The following DLAT variants were observed in gnomAD, a reference collection of about 807,000 sequenced individuals.
DLAT encodes dihydrolipoamide S-acetyltransferase.
In DLAT, 43 loss-of-function variants were observed where a neutral mutation model predicts 68.0. The ratio of observed to expected loss-of-function variants is 0.63; its 90% CI spans 0.50 to 0.81. The LOEUF is 0.81. Ranked by LOEUF, DLAT falls within the 40% of genes least tolerant of loss-of-function variation. DLAT has a pLI of 0.00. For missense variants in DLAT, 745 were observed against 815.4 expected (o/e 0.91, Z 1.05); for synonymous variants, 265 against 288.6 (o/e 0.92, Z 0.83).
rs782691349 is a variant in DLAT, at chr11:112,051,394, G to T, written c.1514+45G>T. Reference sequence around the variant, plus strand: ...ATATATATCCATCGGTAGTTTTCTTGTATTATTTAATGTGTGAGTGGAGTT... The same window carrying T: ...ATATATATCCATCGGTAGTTTTCTTTTATTATTTAATGTGTGAGTGGAGTT... On this transcript the variant is annotated intron_variant, in intron 11 of 13. Transcript: ENST00000280346. This position sits in a 1 kb window ranked among gnomAD's most constrained non-coding sequence, Gnocchi z 4.3. The T allele has an allele frequency of 7.1e-7, 1 of 1,403,422 alleles. No individual in the cohort carries two copies. The highest frequency in any genetic ancestry group is 1.0e-6 in the Non-Finnish European group (1 of 991,092). The allele number at this position is 1,403,422 out of a possible 1,614,324, so 86.9% of individuals were successfully genotyped here. A position where few individuals can be genotyped will look rare whatever the true frequency, so the allele number is the denominator to read the frequency against.
chr11:112,025,870 C>G, intron 1 of DLAT, 119 bp downstream of exon 1: 1 of 1,335,654 alleles, frequency 7.5e-7, no homozygotes, highest in Non-Finnish European at 1.0e-6. Flanking sequence ...TCTGCTTTGG[C>G]CCTTTGTCCA....
intron 5 of DLAT, among the ~76,000 whole-genome samples, chr11:112,036,139 G>A (rs1272105791): frequency 2.1e-5 from 3 of 140,868 alleles, no homozygotes; most frequent in Admixed American, 7.5e-5. Context: ...ATATATGTGT[G>A]TGTATATATA....
chr11:112,055,971 G>A (rs1474477201), intron 11 of DLAT, among the ~76,000 whole-genome samples: 10 of 140,390 alleles, frequency 7.1e-5, no homozygotes, highest in East Asian at 4.6e-4. Context: ...GGGTTCAAGC[G>A]ATTCTCCTGC....
Position 112,037,440 on chromosome 11 carries a change from C to G in DLAT, c.955C>G (p.Pro319Ala), listed in dbSNP as rs782461899. The G allele has an allele frequency of 3.1e-6, 5 of 1,613,768 alleles. No homozygotes were observed. In the African/African-American group the frequency reaches 6.7e-5, roughly 22 times the overall value. The change falls in exon 6 of 14, where the codon CCA (proline) becomes GCA (alanine). Residue 319 changes from proline (P) to alanine (A), a missense_variant. Physicochemically the swap from Pro to Ala is conservative, Grantham distance 27. Coordinates refer to ENST00000280346, the MANE Select transcript of DLAT (RefSeq NM_001931.5). ...AGTAACAGATTTAAAACCACAAGTG[C>G]CACCACCTACCCCACCCCCGGTAGG... ...TEVTDLKPQVPPPTPPPVAAV... is the reference protein window; with the variant it reads ...TEVTDLKPQVAPPTPPPVAAV...
chr11:112,030,733 A>C (rs1289966415), intron 4 of DLAT, among the ~76,000 whole-genome samples: 1 of 152,244 alleles, frequency 6.6e-6, no homozygotes, highest in Non-Finnish European at 1.5e-5. Flanking sequence ...TAGATGTTAA[A>C]AGTGGATAAA....
At chr11:112,031,755 T>C (rs1862410509) in intron 4 of DLAT, among the ~76,000 whole-genome samples, 1 of 150,422 alleles carries the variant, frequency 6.6e-6, no homozygotes, top group South Asian at 2.1e-4. Flanking sequence ...TTTTTTTTTT[T>C]TTTTTTAAGA....
intron 10 of DLAT, among the ~76,000 whole-genome samples, chr11:112,046,437 T>A (rs1863320659): frequency 1.3e-5 from 2 of 152,144 alleles, no homozygotes; most frequent in South Asian, 4.1e-4. Flanking sequence ...CCAGATTTTT[T>A]TTTTTTTGTA....
intron 5 of DLAT, chr11:112,036,742 T>G (rs1311870454): frequency 2.6e-5 from 4 of 153,218 alleles, no homozygotes; most frequent in Non-Finnish European, 5.8e-5. Context: ...ATTGAAATAC[T>G]TGGTATAATA....
chr11:112,034,530 C>T (rs1214455125), intron 5 of DLAT, among the ~76,000 whole-genome samples: 3 of 151,868 alleles, frequency 2.0e-5, no homozygotes, highest in Non-Finnish European at 2.9e-5. Context: ...GCAAGCTCCA[C>T]CTCCTGGGTT....
intron 10 of DLAT, among the ~76,000 whole-genome samples, chr11:112,048,230 A>G (rs1233714571): frequency 6.6e-6 from 1 of 152,088 alleles, no homozygotes; most frequent in Admixed American, 6.5e-5. Flanking sequence ...TTTTATAGCA[A>G]TTGTGAATAG....
chr11:112,049,648 A>G (rs1863508564), intron 10 of DLAT, among the ~76,000 whole-genome samples: 1 of 151,960 alleles, frequency 6.6e-6, no homozygotes, highest in African/African-American at 2.4e-5. Context: ...TAGATTTATA[A>G]TGGACTCTGA....
intron 8 of DLAT, 99 bp from the exon 9 acceptor site, chr11:112,045,039 G>C: frequency 1.6e-6 from 1 of 625,098 alleles, no homozygotes; most frequent in East Asian, 3.4e-5. Context: ...TGTCTCAAAA[G>C]ACAAAAAAAA....
chr11:112,035,409 G>C (rs1415863982), intron 5 of DLAT, among the ~76,000 whole-genome samples: 1 of 152,084 alleles, frequency 6.6e-6, no homozygotes, highest in Non-Finnish European at 1.5e-5. Flanking sequence ...TGTCACTATA[G>C]AGACTAGTCA....
chr11:112,061,563 A>G (rs1864627181), intron 13 of DLAT: 2 of 199,724 alleles, frequency 1.0e-5, no homozygotes, highest in Non-Finnish European at 2.1e-5. Flanking sequence ...CCTGTTTTTG[A>G]GTATCAGTGT....
chr11:112,033,467 G>A lies in DLAT; in HGVS notation c.724G>A (p.Val242Met), dbSNP rs1555180123. The A allele has an allele frequency of 1.2e-6, 2 of 1,613,918 alleles. No individual in the cohort carries two copies. Among genetic ancestry groups the A allele is most frequent in the Admixed American group, 1.7e-5 (1 of 59,988 alleles). The change falls in exon 5 of 14, where the codon GTG becomes ATG. Residue 242 changes from valine to methionine, a missense_variant. Physicochemically the swap from Val to Met is conservative, Grantham distance 21. Coordinates refer to ENST00000280346, the MANE Select transcript of DLAT (RefSeq NM_001931.5). ...CACAGTTCAGAGATGGGAAAAAAAA[G>A]TGGGTGAGAAGCTAAGTGAAGGAGA... ...MGTVQRWEKKVGEKLSEGDLL... is the reference protein window; with the variant it reads ...MGTVQRWEKKMGEKLSEGDLL...
At chr11:112,059,087 C>T (rs1356811121) in intron 11 of DLAT, among the ~76,000 whole-genome samples, 1 of 151,706 alleles carries the variant, frequency 6.6e-6, no homozygotes. Context: ...CTTACTTTTA[C>T]GTTCTTCTGA....
intron 8 of DLAT, among the ~76,000 whole-genome samples, chr11:112,043,907 T>C (rs1018324694): frequency 1.3e-5 from 2 of 152,224 alleles, no homozygotes; most frequent in African/African-American, 4.8e-5. Flanking sequence ...AGTCTGTACT[T>C]GTGCAGTTCA....
chr11:112,028,018 T>C (rs587619863), intron 2 of DLAT, among the ~76,000 whole-genome samples: 1 of 152,164 alleles, frequency 6.6e-6, no homozygotes, highest in Non-Finnish European at 1.5e-5. Context: ...GACTGAACAT[T>C]GACTTTCTGG....
intron 6 of DLAT, among the ~76,000 whole-genome samples, chr11:112,038,339 C>T (rs1862880116): frequency 6.6e-6 from 1 of 151,786 alleles, no homozygotes; most frequent in South Asian, 2.1e-4. Context: ...GCTGGGATTA[C>T]AGGTGTTAGC....
Sources: gnomAD v4.1 joint callset for allele counts (sites outside exome capture counted in the v4.1 genomes callset) on GRCh38, gnomAD v4.1.1 for gene constraint, Gnocchi (gnomAD v3.1) non-coding constraint, MANE v1.5 for transcripts, NCBI Gene and HGNC (gene_info 2026-07-23, HGNC 2026-07-21) for gene names.